SLC39A11: variants seen among roughly 807,000 people sequenced by gnomAD.
SLC39A11 encodes the protein solute carrier family 39 member 11.
Under a neutral mutation model 36.1 loss-of-function variants are expected in SLC39A11, and 33 were observed. The ratio of observed to expected loss-of-function variants is 0.91; its 90% CI spans 0.69 to 1.22. The LOEUF is 1.22. Ranked by LOEUF, SLC39A11 falls within the 50% of genes most tolerant of loss-of-function variation. The pLI, the probability that SLC39A11 is intolerant of heterozygous loss-of-function variation, is 0.00. For missense variants in SLC39A11, 432 were observed against 430.3 expected (o/e 1.00, Z -0.03); for synonymous variants, 166 against 170.3 (o/e 0.97, Z 0.20).
intron 5 of SLC39A11, among the ~76,000 whole-genome samples, chr17:72,866,704 G>A (rs1018599337): frequency 1.3e-5 from 2 of 152,174 alleles, no homozygotes; most frequent in Non-Finnish European, 2.9e-5. Flanking sequence ...AATGCTTACA[G>A]AGAATGCAAT....
At chr17:72,716,968 CAA>C (rs761854832) in intron 7 of SLC39A11, among the ~76,000 whole-genome samples, 904 of 90,378 alleles carry the variant, frequency 0.01, 5 homozygotes, top group Admixed American at 0.013. Context: ...GACCCTGTCT[CAA>C]AAAAAAAAAA....
intron 6 of SLC39A11, among the ~76,000 whole-genome samples, chr17:72,775,909 TACTC>T (rs985146617): frequency 1.3e-5 from 2 of 152,240 alleles, no homozygotes; most frequent in African/African-American, 4.8e-5. Flanking sequence ...CTATTGCAGA[TACTC>T]ACACAGAACT....
intron 3 of SLC39A11, among the ~76,000 whole-genome samples, chr17:73,073,253 G>C (rs2060218865): frequency 6.6e-6 from 1 of 152,238 alleles, no homozygotes; most frequent in South Asian, 2.1e-4. Flanking sequence ...AATTATGAGA[G>C]TGTGGAGTGC....
chr17:72,997,298 G>C (rs1376514110), intron 4 of SLC39A11, among the ~76,000 whole-genome samples: 1 of 152,148 alleles, frequency 6.6e-6, no homozygotes. Flanking sequence ...CTGTCGCCCA[G>C]GCTGGAATGC....
chr17:72,653,384 C>T (rs150570815), intron 7 of SLC39A11, among the ~76,000 whole-genome samples: 66 of 151,012 alleles, frequency 4.4e-4, no homozygotes, highest in African/African-American at 1.4e-3. Context: ...GCTGGGATTA[C>T]AGGTATGAGC....
At chr17:72,854,210 G>T (rs2079518932) in intron 5 of SLC39A11, among the ~76,000 whole-genome samples, 1 of 151,588 alleles carries the variant, frequency 6.6e-6, no homozygotes, top group South Asian at 2.1e-4. Flanking sequence ...CTGGTCCCAG[G>T]TCACACAGCC....
At chr17:72,809,818 C>T (rs960200250) in intron 6 of SLC39A11, among the ~76,000 whole-genome samples, 3 of 151,884 alleles carry the variant, frequency 2.0e-5, no homozygotes, top group African/African-American at 7.3e-5. Flanking sequence ...ACCTGTAATC[C>T]CAGCACTTTA....
chr17:72,760,058 A>G (rs1185960044), intron 6 of SLC39A11, among the ~76,000 whole-genome samples: 2 of 152,062 alleles, frequency 1.3e-5, no homozygotes, highest in African/African-American at 2.4e-5. Flanking sequence ...ACAGGGTCTC[A>G]CTCTGTCACC....
chr17:72,922,960 CAAAAAAAAAAA>C (rs10645750), intron 5 of SLC39A11, among the ~76,000 whole-genome samples: 14 of 44,080 alleles, frequency 3.2e-4, no homozygotes, highest in South Asian at 1.2e-3. Context: ...GACTCCTTCT[CAAAAAAAAAAA>C]AAAAAAAAAA....
intron 4 of SLC39A11, among the ~76,000 whole-genome samples, chr17:72,988,766 C>T (rs550723197): frequency 3.9e-4 from 59 of 152,124 alleles, no homozygotes; most frequent in Non-Finnish European, 5.4e-4. Flanking sequence ...TGGAGTGCAG[C>T]GGCATGATCT....
At chr17:72,997,116 C>T (rs747759196) in intron 4 of SLC39A11, among the ~76,000 whole-genome samples, 34 of 152,160 alleles carry the variant, frequency 2.2e-4, no homozygotes, top group Non-Finnish European at 4.3e-4. Context: ...TCACAGACAC[C>T]AAGAAAATCA....
At chr17:73,057,544 C>A (rs184013910) in intron 3 of SLC39A11, among the ~76,000 whole-genome samples, 4 of 152,338 alleles carry the variant, frequency 2.6e-5, no homozygotes, top group Admixed American at 2.6e-4. Context: ...CTCAGATCAA[C>A]GAGGTCTGCT....
At chr17:72,748,995 TTTTA>T (rs1445844059) in intron 6 of SLC39A11, among the ~76,000 whole-genome samples, 1 of 152,096 alleles carries the variant, frequency 6.6e-6, no homozygotes, top group Admixed American at 6.6e-5. Flanking sequence ...AGTTGTTGGT[TTTTA>T]TTTATTTATT....
chr17:72,647,367 A>T lies in SLC39A11; in HGVS notation c.*217T>A. The T allele has an allele frequency of 2.5e-6, 1 of 406,734 alleles. No homozygotes were observed. The highest frequency in any genetic ancestry group is 4.1e-5 in the Admixed American group (1 of 24,238). 25.2% of individuals were successfully genotyped at this position (406,734 alleles called of 1,614,324 possible). On this transcript the variant is annotated 3_prime_UTR_variant, in exon 10 of 10. Coordinates refer to ENST00000255559, the MANE Select transcript of SLC39A11 (RefSeq NM_139177.4). Reference sequence around the variant, plus strand: ...TCAGTGGCCAAAACAAAGAATCTGTATTTCCATGACACCTTAAAATTCCCC... The same window carrying T: ...TCAGTGGCCAAAACAAAGAATCTGTTTTTCCATGACACCTTAAAATTCCCC...
chr17:73,035,533 T>C (rs188424102), intron 3 of SLC39A11, among the ~76,000 whole-genome samples: 224 of 152,232 alleles, frequency 1.5e-3, no homozygotes, highest in East Asian at 7.7e-4. Flanking sequence ...TAAAAAGGAC[T>C]CTGCACATGG....
intron 7 of SLC39A11, among the ~76,000 whole-genome samples, chr17:72,726,422 G>A (rs561225388): frequency 6.6e-6 from 1 of 152,230 alleles, no homozygotes; most frequent in African/African-American, 2.4e-5. Flanking sequence ...GAGGAGGGAG[G>A]ATTATTTGAG....
At chr17:72,735,540 GC>G (rs2074390266) in intron 7 of SLC39A11, among the ~76,000 whole-genome samples, 1 of 152,166 alleles carries the variant, frequency 6.6e-6, no homozygotes, top group Non-Finnish European at 1.5e-5. Context: ...TAAACCAGTC[GC>G]CCTTGAGCCA....
At chr17:73,004,179 G>GAAGGAAAA (rs2090007727) in intron 4 of SLC39A11, among the ~76,000 whole-genome samples, 1 of 76,256 alleles carries the variant, frequency 1.3e-5, no homozygotes, top group Non-Finnish European at 2.6e-5. Flanking sequence ...AAGAAAGAAA[G>GAAGGAAAA]AAAGAAAGAA....
chr17:73,004,642 A>G (rs1240741322), intron 4 of SLC39A11, among the ~76,000 whole-genome samples: 2 of 152,222 alleles, frequency 1.3e-5, no homozygotes, highest in Non-Finnish European at 2.9e-5. Flanking sequence ...CAGTGGGTAA[A>G]ATAAGTCTCA....
Sources: gnomAD v4.1 joint callset for allele counts (sites outside exome capture counted in the v4.1 genomes callset) on GRCh38, gnomAD v4.1.1 for gene constraint, MANE v1.5 for transcripts, NCBI Gene and HGNC (gene_info 2026-07-23, HGNC 2026-07-21) for gene names.